The following TNFRSF13B variants were observed in gnomAD, a reference collection of about 807,000 sequenced individuals.
TNFRSF13B encodes tumor necrosis factor receptor superfamily member 13B.
Under a neutral mutation model 24.0 loss-of-function variants are expected in TNFRSF13B, and 34 were observed. The ratio of observed to expected loss-of-function variants is 1.41; its 90% CI spans 1.08 to 1.88. The LOEUF (loss-of-function observed/expected upper bound fraction) is 1.88. TNFRSF13B is among the 40% of genes most tolerant of loss of function. TNFRSF13B has a pLI of 0.00. For synonymous variants in TNFRSF13B, 173 were observed against 150.3 expected, an observed-to-expected ratio of 1.15 and a Z score of -1.10; for missense variants, 415 against 380.8, an observed-to-expected ratio of 1.09 and a Z score of -0.75.
At position 16,972,089 on chromosome 17, in the gene TNFRSF13B, T is replaced by A; in HGVS notation, c.-14A>T. The A allele has an allele frequency of 6.2e-7, 1 of 1,613,644 alleles. No individual in the cohort carries two copies. The highest frequency in any genetic ancestry group is 1.3e-5 in the African/African-American group (1 of 75,054). ...CAGGCCACTCATTACTCAGGATGCT[T>A]ATTACTAGTCTTAGATTTGATTAGT... On this transcript the variant is annotated 5_prime_UTR_variant, in exon 1 of 5. Transcript: ENST00000261652.
chr17:16,939,464 T>G lies in TNFRSF13B; in HGVS notation c.*83A>C. On this transcript the variant is annotated 3_prime_UTR_variant, in exon 5 of 5. Coordinates refer to ENST00000261652, the MANE Select transcript of TNFRSF13B (RefSeq NM_012452.3). ...CCTCCTCTGTCTCTCTCTCCTCATA[T>G]CTCTCTCCCCTCTCCCCACCTCTCT... The G allele has an allele frequency of 6.8e-7, 1 of 1,464,678 alleles. No homozygotes were observed. Among genetic ancestry groups the G allele is most frequent in the Non-Finnish European group, 9.2e-7 (1 of 1,086,320 alleles). The allele number at this position is 1,464,678 out of a possible 1,614,324, so 90.7% of individuals were successfully genotyped here.
intron 1 of TNFRSF13B, among the ~76,000 whole-genome samples, chr17:16,958,547 A>G (rs983825949): frequency 4.6e-5 from 7 of 151,976 alleles, no homozygotes; most frequent in East Asian, 1.9e-4. Context: ...TGTAACTCCA[A>G]TTTTTTCCTA....
At chr17:16,940,545 CCTT>C in intron 3 of TNFRSF13B, 34 bp from the exon 4 acceptor site, 3 of 1,605,254 alleles carry the variant, frequency 1.9e-6, no homozygotes, top group Middle Eastern at 1.7e-4. Context: ...CTCTGCAGTG[CCTT>C]CTTCTCTTCC....
At chr17:16,957,436 T>C (rs969871842) in intron 1 of TNFRSF13B, among the ~76,000 whole-genome samples, 1 of 152,042 alleles carries the variant, frequency 6.6e-6, no homozygotes, top group Non-Finnish European at 1.5e-5. Context: ...AAAAAGTATT[T>C]GAAGGAATAA....
At chr17:16,949,123 T>C in intron 2 of TNFRSF13B, 140 bp from the exon 3 acceptor site, 1 of 1,078,746 alleles carries the variant, frequency 9.3e-7, no homozygotes. Flanking sequence ...CAAGTACTTT[T>C]ACAATATACA....
At chr17:16,952,908 T>C (rs1409777215) in intron 1 of TNFRSF13B, among the ~76,000 whole-genome samples, 1 of 152,168 alleles carries the variant, frequency 6.6e-6, no homozygotes, top group Non-Finnish European at 1.5e-5. Flanking sequence ...CACAGGGTCT[T>C]TGCACCTGCT....
intron 1 of TNFRSF13B, among the ~76,000 whole-genome samples, chr17:16,964,322 C>A (rs1276104229): frequency 1.3e-5 from 2 of 149,674 alleles, no homozygotes; most frequent in African/African-American, 4.9e-5. Flanking sequence ...GGTTGAGAGT[C>A]CACCATCTCC....
At chr17:16,940,618 C>T (rs2087503604) in intron 3 of TNFRSF13B, 107 bp from the exon 4 acceptor site, 1 of 1,530,790 alleles carries the variant, frequency 6.5e-7, no homozygotes, top group Middle Eastern at 1.7e-4. Flanking sequence ...CTGTCTGGCT[C>T]CTGGAGAGGC....
intron 1 of TNFRSF13B, among the ~76,000 whole-genome samples, chr17:16,956,322 C>G (rs967842880): frequency 6.6e-6 from 1 of 152,180 alleles, no homozygotes; most frequent in East Asian, 1.9e-4. Flanking sequence ...GTCACCACAA[C>G]GTAACACTCA....
chr17:16,953,722 A>G (rs550173464), intron 1 of TNFRSF13B, among the ~76,000 whole-genome samples: 32 of 151,990 alleles, frequency 2.1e-4, no homozygotes, highest in Non-Finnish European at 3.1e-4. Context: ...GCTTCCCCCA[A>G]TAACTTCTCC....
intron 4 of TNFRSF13B, 62 bp from the exon 5 acceptor site, chr17:16,939,859 G>A (rs2087496086): frequency 3.7e-5 from 56 of 1,533,370 alleles, no homozygotes; most frequent in Middle Eastern, 2.3e-4. Flanking sequence ...TAGGGGTGAC[G>A]GTGTGGGCAG....
chr17:16,954,186 G>A (rs557532520), intron 1 of TNFRSF13B, among the ~76,000 whole-genome samples: 40 of 152,344 alleles, frequency 2.6e-4, no homozygotes, highest in African/African-American at 8.9e-4. Context: ...CTTGAGGCCA[G>A]GAGTTCAAGA....
chr17:16,967,839 TAAAA>T (rs2087715175), intron 1 of TNFRSF13B, among the ~76,000 whole-genome samples: 1 of 121,444 alleles, frequency 8.2e-6, no homozygotes, highest in South Asian at 2.6e-4. Flanking sequence ...AAAAATTTAA[TAAAA>T]GAAATGCAAG....
intron 3 of TNFRSF13B, among the ~76,000 whole-genome samples, chr17:16,945,905 TG>T (rs1223422961): frequency 6.6e-6 from 1 of 151,998 alleles, no homozygotes; most frequent in Non-Finnish European, 1.5e-5. Context: ...GGTGATGAAG[TG>T]TAAGTTACCA....
chr17:16,972,038 C>CG lies in TNFRSF13B; in HGVS notation c.37_38insC (p.Ser13ThrfsTer68). The stretch of plus-strand genomic sequence containing the variant: ...ACAGCGCTCCTCCTGGTCCACACGG[C>CG]TCCGGCCACCTCGCCTGCTCCGGCC... On this transcript the variant is annotated frameshift_variant, in exon 1 of 5. Coordinates refer to ENST00000261652, the MANE Select transcript of TNFRSF13B (RefSeq NM_012452.3). LOFTEE classifies it high-confidence loss of function. The CG allele has an allele frequency of 1.2e-6, 2 of 1,614,142 alleles. No individual in the cohort carries two copies. The highest frequency in any genetic ancestry group is 1.7e-6 in the Non-Finnish European group (2 of 1,180,038).
chr17:16,944,677 G>T (rs1221254617), intron 3 of TNFRSF13B, among the ~76,000 whole-genome samples: 1 of 152,170 alleles, frequency 6.6e-6, no homozygotes, highest in Non-Finnish European at 1.5e-5. Context: ...CCATGGGTCT[G>T]GGACAGGAAC....
intron 3 of TNFRSF13B, among the ~76,000 whole-genome samples, chr17:16,946,901 A>AT (rs67338491): frequency 1.6e-4 from 24 of 151,926 alleles, no homozygotes; most frequent in Middle Eastern, 3.4e-3. Context: ...TCTTTTTACA[A>AT]TTTTTTTTCC....
In TNFRSF13B at chr17:16,940,432, G is replaced by A; in HGVS notation, c.525C>T (p.Leu175=). Residue 175 remains leucine, a synonymous_variant, in exon 4 of 5, where the codon CTC becomes CTT. Coordinates refer to ENST00000261652, the MANE Select transcript of TNFRSF13B (RefSeq NM_012452.3). ...AGGCCACCGCCACCAGGAAGCAGCA[G>A]AGGACGGCACACAGGCAGAGCCCCA... is the stretch of plus-strand genomic sequence containing the variant. The part of the protein sequence containing the change: ...STLGLCLCAV[L]CCFLVAVACF... 1 of 1,614,082 alleles carries A rather than the reference G, an allele frequency of 6.2e-7. No individual in the cohort carries two copies. Among genetic ancestry groups the A allele is most frequent in the Non-Finnish European group, 8.5e-7 (1 of 1,180,032 alleles).
chr17:16,948,932 C>T lies in TNFRSF13B; in HGVS notation c.251G>A (p.Arg84Lys), dbSNP rs747863360. ...EQGKFYDHLL[R>K]DCISCASICG... ...GATGGAGGCACAGCTGATGCAGTCC[C>T]TCAGGAGATGGTCATAGAACTTGCC... Residue 84 changes from arginine (R) to lysine (K), a missense_variant, in exon 3 of 5, where the codon AGG becomes AAG. By Grantham distance (26) the Arg-to-Lys change is conservative. Transcript: ENST00000261652. 1.2e-6 allele frequency: 2 copies of T among 1,614,124 alleles called. No individual in the cohort carries two copies. The highest frequency in any genetic ancestry group is 2.7e-5 in the African/African-American group (2 of 74,940).
Sources: gnomAD v4.1 joint callset for allele counts (sites outside exome capture counted in the v4.1 genomes callset) on GRCh38, gnomAD v4.1.1 for gene constraint, MANE v1.5 for transcripts, NCBI Gene and HGNC (gene_info 2026-07-23, HGNC 2026-07-21) for gene names.